Variants in TENM3 observed in about 807,000 individuals in gnomAD.
The protein encoded by TENM3 is teneurin-3.
TENM3 carries 63 observed loss-of-function variants against 255.1 expected under a neutral mutation model. The observed-to-expected ratio is 0.25, with a 90% CI of 0.20 to 0.30. The LOEUF (loss-of-function observed/expected upper bound fraction) is 0.30, where lower values mean the gene tolerates loss of function less well. Among genes scored for constraint, TENM3 ranks in the 10% least tolerant of loss-of-function variants. The pLI, the probability that TENM3 is intolerant of heterozygous loss-of-function variation, is 1.00. For missense variants in TENM3, 2,929 were observed against 3,461.1 expected, an observed-to-expected ratio of 0.85 and a Z score of 3.86; for synonymous variants, 1,306 against 1,322.3, an observed-to-expected ratio of 0.99 and a Z score of 0.27.
At chr4:182,490,388 T>C (rs1307388527) in intron 3 of TENM3, among the ~76,000 whole-genome samples, 1 of 152,200 alleles carries the variant, frequency 6.6e-6, no homozygotes, top group African/African-American at 2.4e-5. Flanking sequence ...TGTGGAATCA[T>C]ATGAGGTCAT....
chr4:181,812,360 T>A, the TENM3 span, among the ~76,000 whole-genome samples: 2 of 152,230 alleles, frequency 1.3e-5, no homozygotes, highest in Admixed American at 1.3e-4. Flanking sequence ...AAATATTAGT[T>A]TTTCAGTTGC....
At chr4:182,688,622 ATTTG>A (rs1394154320) in intron 12 of TENM3, among the ~76,000 whole-genome samples, 1 of 152,154 alleles carries the variant, frequency 6.6e-6, no homozygotes, top group Non-Finnish European at 1.5e-5. Flanking sequence ...AGACTTAATG[ATTTG>A]TTTATGTGAA....
rs958713529 is a variant in TENM3 at position 182,335,291 on chromosome 4, G to A, written c.232+11039G>A. On this transcript the variant is annotated intron_variant, in intron 2 of 27. Coordinates refer to ENST00000511685, the MANE Select transcript of TENM3 (RefSeq NM_001080477.4). ...AGGCGGGCGGATCACGAGGTCAGGA[G>A]ATCGAGACCATCCTGTGAATGGTGA... 3.8e-4 allele frequency among the ~76,000 whole-genome samples: 33 copies of A among 86,058 alleles called. 2 individuals carry two copies. In the East Asian group the frequency reaches 5.5e-3, roughly 14 times the overall value. 56.5% of individuals were successfully genotyped at this position (86,058 alleles called of 152,430 possible).
At chr4:182,291,685 G>T (rs72698069) in intron 1 of TENM3, among the ~76,000 whole-genome samples, 1 of 152,146 alleles carries the variant, frequency 6.6e-6, no homozygotes, top group South Asian at 2.1e-4. Flanking sequence ...ACGAAAGCCA[G>T]CTTGACTTCC....
chr4:181,818,666 G>A, the TENM3 span, among the ~76,000 whole-genome samples: 1 of 150,170 alleles, frequency 6.7e-6, no homozygotes, highest in African/African-American at 2.5e-5. Context: ...CTGGAGTGCA[G>A]TGGTGTGATC....
In TENM3 at chr4:182,385,687, T is replaced by G. The variant is rs540795058; in HGVS notation, c.511+38758T>G. Among the ~76,000 whole-genome samples, 8 of 152,324 alleles carry G rather than the reference T, an allele frequency of 5.3e-5. No homozygotes were observed. The East Asian group carries it at 1.4e-3, about 26-fold the overall frequency. The stretch of plus-strand genomic sequence containing the variant: ...GAATGAAAGTAAACTAAATGGGAAA[T>G]GAAACAAAAAAATTTCATATTTTAA... On this transcript the variant is annotated intron_variant, in intron 3 of 27. Coordinates refer to ENST00000511685, the MANE Select transcript of TENM3 (RefSeq NM_001080477.4).
chr4:182,147,484 T>C lies in TENM3; in HGVS notation c.-76+2730T>C, dbSNP rs147228096. On this transcript the variant is annotated intron_variant, in intron 1 of 2. Transcript: ENST00000512480. Reference sequence around the variant, plus strand: ...AAACTTTATTTTACCCTGTAAAAATTTGATTTCTGGATGGTGGTTGAATAT... The same window carrying C: ...AAACTTTATTTTACCCTGTAAAAATCTGATTTCTGGATGGTGGTTGAATAT... Among the ~76,000 whole-genome samples the C allele has an allele frequency of 2.7e-3, 416 of 152,292 alleles. 4 individuals carry two copies. Among genetic ancestry groups the C allele is most frequent in the Non-Finnish European group, 4.0e-3 (273 of 68,016 alleles).
At chr4:181,583,190 A>G in the TENM3 span, among the ~76,000 whole-genome samples, 3 of 152,016 alleles carry the variant, frequency 2.0e-5, no homozygotes, top group Non-Finnish European at 4.4e-5. Context: ...GGAAAGCAGT[A>G]ATAGCCACGA....
the TENM3 span, among the ~76,000 whole-genome samples, chr4:181,722,366 C>T: frequency 1.3e-5 from 2 of 152,292 alleles, no homozygotes; most frequent in African/African-American, 4.8e-5. Flanking sequence ...CCAATGATGA[C>T]AATTGCCAGA....
chr4:182,744,649 G>A (rs114449566), intron 19 of TENM3, among the ~76,000 whole-genome samples: 3,281 of 152,254 alleles, frequency 0.022, 40 homozygotes, highest in Middle Eastern at 0.11. Context: ...TGAACATGTG[G>A]CTTGGCAGAG....
intron 1 of TENM3, among the ~76,000 whole-genome samples, chr4:182,169,027 A>G (rs1751913937): frequency 6.6e-6 from 1 of 152,032 alleles, no homozygotes; most frequent in Non-Finnish European, 1.5e-5. Context: ...TGACAGCTAT[A>G]TGAGGGAAAA....
At chr4:181,680,689 T>A in the TENM3 span, among the ~76,000 whole-genome samples, 1 of 152,164 alleles carries the variant, frequency 6.6e-6, no homozygotes, top group Admixed American at 6.6e-5. Context: ...GCTTTTTTTC[T>A]GTAAAAGATT....
At chr4:181,479,930 G>A in the TENM3 span, among the ~76,000 whole-genome samples, 2 of 152,092 alleles carry the variant, frequency 1.3e-5, no homozygotes, top group Non-Finnish European at 2.9e-5. Flanking sequence ...CTATGCCGCT[G>A]TATGTTTTTA....
At chr4:181,947,977 C>T in the TENM3 span, among the ~76,000 whole-genome samples, 2 of 152,152 alleles carry the variant, frequency 1.3e-5, no homozygotes, top group Non-Finnish European at 2.9e-5. Context: ...CCATGAGACT[C>T]ACAACCTCTC....
chr4:182,758,116 G>T (rs1042235460), intron 22 of TENM3, among the ~76,000 whole-genome samples: 1 of 152,148 alleles, frequency 6.6e-6, no homozygotes, highest in Non-Finnish European at 1.5e-5. Context: ...CTACAGCAAA[G>T]ACGACTAAAA....
chr4:182,260,942 C>T (rs1291666623), intron 1 of TENM3, among the ~76,000 whole-genome samples: 2 of 152,048 alleles, frequency 1.3e-5, no homozygotes, highest in Non-Finnish European at 2.9e-5. Flanking sequence ...GAGGCGTGAT[C>T]TCAGCTCACT....
rs1256285147 is a variant in TENM3, at chr4:182,605,574, G to A, written c.749+4413G>A. Among the ~76,000 whole-genome samples, 3 of 151,854 alleles carry A rather than the reference G, an allele frequency of 2.0e-5. No individual in the cohort carries two copies. In the East Asian group the frequency reaches 5.8e-4, roughly 29 times the overall value. On this transcript the variant is annotated intron_variant, in intron 4 of 27. Transcript: ENST00000511685. ...TGGATTCTAAGTCTCTTAAAATATG[G>A]CACCTTTTATAACTTAGTATTTCTT... is the stretch of plus-strand genomic sequence containing the variant.
intron 22 of TENM3, among the ~76,000 whole-genome samples, chr4:182,770,651 G>A (rs563545145): frequency 6.6e-4 from 101 of 152,366 alleles, no homozygotes; most frequent in African/African-American, 1.4e-3. Context: ...AGCTATGTCA[G>A]CGTGAACACA....
chr4:181,644,539 C>T, the TENM3 span, among the ~76,000 whole-genome samples: 1 of 152,086 alleles, frequency 6.6e-6, no homozygotes, highest in South Asian at 2.1e-4. Context: ...TCTGCTTTCT[C>T]ACCCACTTGT....
Sources: gnomAD v4.1 joint callset for allele counts (sites outside exome capture counted in the v4.1 genomes callset) on GRCh38, gnomAD v4.1.1 for gene constraint, MANE v1.5 for transcripts, NCBI Gene and HGNC (gene_info 2026-07-23, HGNC 2026-07-21) for gene names.